Variants in MYO3B observed in about 807,000 individuals in gnomAD.
MYO3B encodes the protein myosin IIIB.
MYO3B carries 156 observed loss-of-function variants against 174.6 expected under a neutral mutation model. That is an observed-to-expected ratio of 0.89 (90% CI 0.78 to 1.02). MYO3B has a LOEUF of 1.02. Ranked by LOEUF, MYO3B falls within the 50% of genes least tolerant of loss-of-function variation. MYO3B has a pLI of 0.00. For missense variants in MYO3B, 1,632 were observed against 1,639.4 expected (o/e 1.00, Z 0.08); for synonymous variants, 563 against 569.1 (o/e 0.99, Z 0.15).
chr2:170,365,024 A>C (rs1038472983), intron 8 of MYO3B, among the ~76,000 whole-genome samples: 1 of 152,134 alleles, frequency 6.6e-6, no homozygotes, highest in Non-Finnish European at 1.5e-5. Flanking sequence ...TTACTCCCCC[A>C]GTTTAGTTCA....
At position 170,235,995 on chromosome 2, in the gene MYO3B, T is replaced by C; in HGVS notation, c.608T>C (p.Ile203Thr). The change falls in exon 7 of 35, where the codon ATT becomes ACT. Residue 203 changes from isoleucine to threonine, a missense_variant. Physicochemically the swap from Ile to Thr is moderately conservative, Grantham distance 89. Coordinates refer to ENST00000408978, the MANE Select transcript of MYO3B (RefSeq NM_138995.5). ...TGTCCTGCTTTTGTCCAATAGGTCA[T>C]TGCCTGTGAGCAGCAGTATGACTCT... is the stretch of plus-strand genomic sequence containing the variant. ...GTPFWMAPEV[I>T]ACEQQYDSSY... The C allele has an allele frequency of 6.2e-7, 1 of 1,614,062 alleles. No homozygotes were observed. The highest frequency in any genetic ancestry group is 1.1e-5 in the South Asian group (1 of 91,066).
chr2:170,565,111 T>G (rs897306699), intron 32 of MYO3B, among the ~76,000 whole-genome samples: 1 of 152,174 alleles, frequency 6.6e-6, no homozygotes, highest in Non-Finnish European at 1.5e-5. Context: ...ATGTTCAACC[T>G]CGAAATTTAA....
rs146602040 is a variant in MYO3B at position 170,486,042 on chromosome 2, T to C, written c.3015-12550T>C. Among the ~76,000 whole-genome samples the C allele has an allele frequency of 5.9e-5, 9 of 152,156 alleles. No homozygotes were observed. The East Asian group carries it at 1.7e-3, about 29-fold the overall frequency. On this transcript the variant is annotated intron_variant, in intron 25 of 34. Transcript: ENST00000408978. ...AGAGAGAGAAGAGAGAATTTGCATT[T>C]CTAATAAGTTTCCAGGTCATGCTGC...
intron 7 of MYO3B, among the ~76,000 whole-genome samples, chr2:170,262,309 G>T (rs186591240): frequency 3.9e-5 from 6 of 152,280 alleles, no homozygotes; most frequent in Admixed American, 1.3e-4. Flanking sequence ...GAGAGACGGG[G>T]CTAGATGGTT....
intron 22 of MYO3B, among the ~76,000 whole-genome samples, chr2:170,441,014 C>T (rs1198933271): frequency 6.6e-6 from 1 of 151,920 alleles, no homozygotes; most frequent in Non-Finnish European, 1.5e-5. Context: ...GTTGGCCTGG[C>T]TGGTCTCCAA....
At chr2:170,375,296 G>C (rs2094283053) in intron 9 of MYO3B, among the ~76,000 whole-genome samples, 1 of 152,124 alleles carries the variant, frequency 6.6e-6, no homozygotes, top group African/African-American at 2.4e-5. Flanking sequence ...TGGGAGAAGA[G>C]TGAAACCACT....
intron 25 of MYO3B, among the ~76,000 whole-genome samples, chr2:170,470,942 G>A (rs1684941838): frequency 6.7e-6 from 1 of 149,548 alleles, no homozygotes; most frequent in Admixed American, 6.7e-5. Flanking sequence ...CCAAATATTA[G>A]TCCCTTATCA....
chr2:170,578,290 G>A (rs1045486767), intron 32 of MYO3B, among the ~76,000 whole-genome samples: 2 of 152,214 alleles, frequency 1.3e-5, no homozygotes, highest in Admixed American at 1.3e-4. Context: ...TGGGGAGGAG[G>A]AAGGCGGGGC....
chr2:170,647,897 T>G (rs986490369), intron 32 of MYO3B: 2 of 152,200 alleles, frequency 1.3e-5, no homozygotes, highest in African/African-American at 4.8e-5. Context: ...GAAGTCCAGC[T>G]GAACTAGGCT....
chr2:170,547,618 CT>C (rs1690610955), intron 32 of MYO3B, among the ~76,000 whole-genome samples: 1 of 152,126 alleles, frequency 6.6e-6, no homozygotes, highest in East Asian at 1.9e-4. Flanking sequence ...TTTCTCAAAA[CT>C]TTTATAAAAG....
intron 32 of MYO3B, among the ~76,000 whole-genome samples, chr2:170,580,263 G>T (rs1693045449): frequency 6.6e-6 from 1 of 152,092 alleles, no homozygotes; most frequent in Non-Finnish European, 1.5e-5. Context: ...TTTTATAACA[G>T]TATGATTTTT....
chr2:170,372,450 A>T (rs767135978), intron 9 of MYO3B, among the ~76,000 whole-genome samples: 8 of 152,190 alleles, frequency 5.3e-5, no homozygotes, highest in Non-Finnish European at 1.0e-4. Context: ...AGATCATGAA[A>T]ATAAACACTA....
intron 7 of MYO3B, among the ~76,000 whole-genome samples, chr2:170,249,457 G>A (rs1443736831): frequency 6.6e-6 from 1 of 152,148 alleles, no homozygotes; most frequent in East Asian, 1.9e-4. Context: ...ATTTGCTTGA[G>A]GGAGAAGAGA....
intron 32 of MYO3B, among the ~76,000 whole-genome samples, chr2:170,544,861 C>T (rs541616563): frequency 2.6e-5 from 4 of 152,234 alleles, no homozygotes; most frequent in African/African-American, 9.6e-5. Context: ...ATATTTTCCT[C>T]ATAGGCAGAC....
Position 170,391,559 on chromosome 2 carries a change from T to C in MYO3B, c.1617T>C (p.Ala539=). The part of the protein sequence containing the change: ...KNFHIFYYIY[A]GLHHQKKLSD... Reference sequence around the variant, plus strand: ...TTCATATATTTTACTATATTTATGCTGGTCTTCATCACCAAAAGAAGCTTT... The same window carrying C: ...TTCATATATTTTACTATATTTATGCCGGTCTTCATCACCAAAAGAAGCTTT... Residue 539 remains alanine, a synonymous_variant, in exon 15 of 35, where the codon GCT becomes GCC. Coordinates refer to ENST00000408978, the MANE Select transcript of MYO3B (RefSeq NM_138995.5). The C allele has an allele frequency of 3.2e-6, 5 of 1,578,788 alleles. No individual in the cohort carries two copies. Among genetic ancestry groups the C allele is most frequent in the Middle Eastern group, 1.7e-4 (1 of 5,938 alleles).
chr2:170,631,304 T>A (rs111255315), intron 32 of MYO3B, among the ~76,000 whole-genome samples: 5,542 of 151,854 alleles, frequency 0.036, 333 homozygotes, highest in African/African-American at 0.13. Context: ...GTATCAATGA[T>A]GGAAGATCAA....
chr2:170,235,887 T>C, intron 6 of MYO3B, 104 bp from the exon 7 acceptor site: 4 of 1,379,774 alleles, frequency 2.9e-6, no homozygotes, highest in Non-Finnish European at 4.0e-6. Context: ...AATATCATCG[T>C]GGCCAAGAAA....
chr2:170,204,595 G>C (rs1039696597), intron 3 of MYO3B, among the ~76,000 whole-genome samples: 1 of 152,226 alleles, frequency 6.6e-6, no homozygotes, highest in Non-Finnish European at 1.5e-5. Flanking sequence ...AATAGATGTG[G>C]AATGTAAATG....
chr2:170,400,434 C>A lies in MYO3B; in HGVS notation c.1918+120C>A. On this transcript the variant is annotated intron_variant, in intron 17 of 34. Transcript: ENST00000408978. ...TTTTTTTTTTTTATCGAGATGGAGT[C>A]TCACTCTGTCATCCAGGCTGGAGTC... 2.5e-6 allele frequency: 3 copies of A among 1,199,530 alleles called. No individual in the cohort carries two copies. The South Asian group carries it at 4.6e-5, about 19-fold the overall frequency. 74.3% of individuals were successfully genotyped at this position (1,199,530 alleles called of 1,614,324 possible).
Sources: allele counts gnomAD v4.1 joint callset (sites outside exome capture counted in the v4.1 genomes callset), GRCh38; gene constraint gnomAD v4.1.1; transcripts MANE v1.5; gene names NCBI Gene and HGNC (gene_info 2026-07-23, HGNC 2026-07-21).